SLC23A2: variants seen among roughly 807,000 people sequenced by gnomAD.
SLC23A2 encodes the protein solute carrier family 23 member 2.
In SLC23A2, 36 loss-of-function variants were observed where a neutral mutation model predicts 73.3. The ratio of observed to expected loss-of-function variants is 0.49; its 90% CI spans 0.38 to 0.65. The LOEUF (loss-of-function observed/expected upper bound fraction) is 0.65, where lower values mean the gene tolerates loss of function less well. SLC23A2 is among the 30% of genes least tolerant of loss of function. The probability of loss-of-function intolerance (pLI) is 0.00; values close to 1 mark genes in which losing one functional copy is unlikely to be tolerated. For synonymous variants in SLC23A2, 343 were observed against 327.3 expected (o/e 1.05, Z -0.52); for missense variants, 507 against 841.6 (o/e 0.60, Z 4.92).
In SLC23A2 at chr20:4,932,664, G is replaced by A; in HGVS notation, c.-102C>T. Reference sequence around the variant, plus strand: ...GATCAGCCGGCTCTTCTAGTGCCTGGAGCCCCCGATTCTCAAGCAGAGATG... The same window carrying A: ...GATCAGCCGGCTCTTCTAGTGCCTGAAGCCCCCGATTCTCAAGCAGAGATG... On this transcript the variant is annotated 5_prime_UTR_variant, in exon 3 of 17. Transcript: ENST00000338244. 1.4e-6 allele frequency: 1 copy of A among 712,080 alleles called. No individual in the cohort carries two copies. The highest frequency in any genetic ancestry group is 2.2e-5 in the Admixed American group (1 of 45,196). The allele number at this position is 712,080 out of a possible 1,614,324, so 44.1% of individuals were successfully genotyped here.
chr20:4,884,720 A>C (rs1420324865), intron 8 of SLC23A2, 33 bp downstream of exon 8: 1 of 1,512,166 alleles, frequency 6.6e-7, no homozygotes, highest in Admixed American at 1.7e-5. Context: ...AGAAACATGA[A>C]GAAGCCAAAA....
chr20:4,951,771 A>G (rs940501030), intron 2 of SLC23A2, among the ~76,000 whole-genome samples: 4 of 152,192 alleles, frequency 2.6e-5, no homozygotes, highest in Non-Finnish European at 5.9e-5. Context: ...GATGATGACT[A>G]TCATGATGTG....
intron 3 of SLC23A2, among the ~76,000 whole-genome samples, chr20:4,913,506 T>A (rs188042031): frequency 2.3e-4 from 35 of 152,358 alleles, no homozygotes; most frequent in Non-Finnish European, 4.3e-4. Flanking sequence ...GTTCCACTTC[T>A]AGGAATCTAT....
chr20:4,930,560 TG>T (rs1228674710), intron 3 of SLC23A2, among the ~76,000 whole-genome samples: 3 of 152,190 alleles, frequency 2.0e-5, no homozygotes, highest in Non-Finnish European at 4.4e-5. Flanking sequence ...GGCTCACACC[TG>T]TAATCCCAGC....
At chr20:4,859,985 G>A (rs1025461419) in intron 15 of SLC23A2, among the ~76,000 whole-genome samples, 3 of 152,218 alleles carry the variant, frequency 2.0e-5, no homozygotes, top group Admixed American at 6.5e-5. Context: ...ATAGGCACTG[G>A]TGAGGATGTG....
chr20:4,932,417 C>T, intron 3 of SLC23A2, 38 bp downstream of exon 3: 2 of 1,149,682 alleles, frequency 1.7e-6, no homozygotes. Flanking sequence ...AAACTACTTT[C>T]AAGAGATTTA....
rs1306269230 is a variant in SLC23A2, at chr20:4,902,252, C to A, written c.324+190G>T. 2.0e-5 allele frequency among the ~76,000 whole-genome samples: 3 copies of A among 152,236 alleles called. No homozygotes were observed. The East Asian group carries it at 5.8e-4, about 29-fold the overall frequency. On this transcript the variant is annotated intron_variant, in intron 5 of 16. Transcript: ENST00000338244. This position sits in a 1 kb window ranked among gnomAD's most constrained non-coding sequence, Gnocchi z 4.0. ...CTCCTAGGCTCCAGTGATCTGCCCA[C>A]CTCAGCCTCCAAAACTGCTAGGATT...
chr20:4,910,606 T>C (rs1932107490), intron 4 of SLC23A2, among the ~76,000 whole-genome samples: 1 of 152,050 alleles, frequency 6.6e-6, no homozygotes, highest in Non-Finnish European at 1.5e-5. Flanking sequence ...TGGCTAATTT[T>C]TGTGTCTTTA....
chr20:4,929,096 A>T (rs1012854845), intron 3 of SLC23A2, among the ~76,000 whole-genome samples: 1 of 151,864 alleles, frequency 6.6e-6, no homozygotes, highest in Non-Finnish European at 1.5e-5. Context: ...AAATTTAAAA[A>T]ATATATATAT....
intron 9 of SLC23A2, among the ~76,000 whole-genome samples, chr20:4,881,791 T>C (rs1347696934): frequency 6.6e-6 from 1 of 152,202 alleles, no homozygotes; most frequent in Non-Finnish European, 1.5e-5. Flanking sequence ...GGCTACTAAG[T>C]GTGACTGGTG....
At chr20:4,990,258 C>T (rs2087903853) in intron 1 of SLC23A2, among the ~76,000 whole-genome samples, 1 of 152,158 alleles carries the variant, frequency 6.6e-6, no homozygotes, top group African/African-American at 2.4e-5. Context: ...AGTGGCTCAT[C>T]CCTGTAATCC....
chr20:4,904,738 C>T (rs1245392866), intron 4 of SLC23A2, among the ~76,000 whole-genome samples: 1 of 152,220 alleles, frequency 6.6e-6, no homozygotes, highest in Admixed American at 6.5e-5. Context: ...ATAACCCTAT[C>T]ATAGACTAGT....
chr20:4,972,432 C>T (rs989340682), intron 1 of SLC23A2, among the ~76,000 whole-genome samples: 3 of 149,536 alleles, frequency 2.0e-5, no homozygotes, highest in Non-Finnish European at 4.4e-5. Context: ...ATTATTAGAA[C>T]GTGAATGAAG....
intron 11 of SLC23A2, among the ~76,000 whole-genome samples, chr20:4,872,000 A>G (rs1387985286): frequency 1.3e-5 from 2 of 151,020 alleles, no homozygotes; most frequent in African/African-American, 2.4e-5. Context: ...ATCTATATCT[A>G]TATTTTTTTT....
At chr20:4,885,616 C>T (rs1413006031) in intron 7 of SLC23A2, among the ~76,000 whole-genome samples, 1 of 152,176 alleles carries the variant, frequency 6.6e-6, no homozygotes, top group Non-Finnish European at 1.5e-5. Context: ...TCCTTTCTTG[C>T]TCTAGGGTTA....
intron 3 of SLC23A2, among the ~76,000 whole-genome samples, chr20:4,928,358 CA>C (rs2061019575): frequency 2.0e-5 from 3 of 152,174 alleles, no homozygotes; most frequent in African/African-American, 7.2e-5. Flanking sequence ...TGTTTTCTAA[CA>C]AAACTATCCA....
At chr20:4,954,625 G>C (rs569598350) in intron 2 of SLC23A2, among the ~76,000 whole-genome samples, 103 of 150,802 alleles carry the variant, frequency 6.8e-4, no homozygotes, top group Admixed American at 1.9e-3. Flanking sequence ...TTGAACCTAG[G>C]AGGTGGAGGT....
chr20:4,866,093 A>G (rs1242413877), intron 13 of SLC23A2, among the ~76,000 whole-genome samples: 1 of 152,152 alleles, frequency 6.6e-6, no homozygotes, highest in East Asian at 1.9e-4. Context: ...TCGGCCTCCC[A>G]AACTGCTGGG....
intron 1 of SLC23A2, among the ~76,000 whole-genome samples, chr20:4,993,880 C>T (rs1224550028): frequency 6.6e-6 from 1 of 152,030 alleles, no homozygotes; most frequent in Non-Finnish European, 1.5e-5. Flanking sequence ...TCCTGACCAA[C>T]ACAGGAGACC....
Sources: allele counts gnomAD v4.1 joint callset (sites outside exome capture counted in the v4.1 genomes callset), GRCh38; gene constraint gnomAD v4.1.1; non-coding constraint Gnocchi (gnomAD v3.1); transcripts MANE v1.5; gene names NCBI Gene and HGNC (gene_info 2026-07-23, HGNC 2026-07-21).